Variants in ZFP41 observed in about 807,000 individuals in gnomAD.
The protein encoded by ZFP41 is ZFP41 zinc finger protein.
In ZFP41, 10 loss-of-function variants were observed where a neutral mutation model predicts 11.6. That is an observed-to-expected ratio of 0.86 (90% CI 0.53 to 1.47). The LOEUF (loss-of-function observed/expected upper bound fraction) is 1.47, where lower values mean the gene tolerates loss of function less well. ZFP41 is among the 40% of genes most tolerant of loss of function. The pLI is 0.00. For synonymous variants in ZFP41, 123 were observed against 100.9 expected, an observed-to-expected ratio of 1.22 and a Z score of -1.31; for missense variants, 302 against 264.6, an observed-to-expected ratio of 1.14 and a Z score of -0.98.
At chr8:143,256,446 C>A (rs919981943) in intron 2 of ZFP41, among the ~76,000 whole-genome samples, 4 of 152,120 alleles carry the variant, frequency 2.6e-5, no homozygotes, top group Non-Finnish European at 4.4e-5. Flanking sequence ...GGGCTCGCCC[C>A]ACATGCTGGT....
Position 143,249,903 on chromosome 8 carries a change from G to T in ZFP41, c.60G>T (p.Val20=). The change falls in exon 2 of 3, where the codon GTG becomes GTT. Residue 20 remains valine, a synonymous_variant. Coordinates refer to ENST00000330701, the MANE Select transcript of ZFP41 (RefSeq NM_173832.6). The part of the protein sequence containing the change: ...KTPTPREEAD[V]QKSALREEKV... Reference sequence around the variant, plus strand: ...CGACCCCAAGGGAGGAGGCAGACGTGCAGAAGAGTGCGCTCAGAGAGGAGA... The same window carrying T: ...CGACCCCAAGGGAGGAGGCAGACGTTCAGAAGAGTGCGCTCAGAGAGGAGA... 6.2e-7 allele frequency: 1 copy of T among 1,613,470 alleles called. No homozygotes were observed. Among genetic ancestry groups the T allele is most frequent in the East Asian group, 2.2e-5 (1 of 44,858 alleles).
At chr8:143,257,698 C>T (rs138677209) in intron 2 of ZFP41, among the ~76,000 whole-genome samples, 7 of 152,270 alleles carry the variant, frequency 4.6e-5, no homozygotes, top group South Asian at 2.1e-4. Flanking sequence ...CAGCCACATC[C>T]GATGCTGAAA....
In ZFP41 at chr8:143,254,751, G is replaced by T. The variant is rs1586714654; in HGVS notation, c.*900+3411G>T. On this transcript the variant is annotated intron_variant, in intron 2 of 2. Transcript: ENST00000330701. ...GCGGTCAAGCGATTCCCCTGCTTCAGCATCCCGAGTAGCTGGGATTTCAGG... is the reference window on the plus strand; with the variant it reads ...GCGGTCAAGCGATTCCCCTGCTTCATCATCCCGAGTAGCTGGGATTTCAGG... Among the ~76,000 whole-genome samples, 3 of 150,142 alleles carry T rather than the reference G, an allele frequency of 2.0e-5. No individual in the cohort carries two copies. In the South Asian group the frequency reaches 6.3e-4, roughly 32 times the overall value.
chr8:143,255,728 A>G (rs13282774), intron 2 of ZFP41, among the ~76,000 whole-genome samples: 55 of 82,700 alleles, frequency 6.7e-4, no homozygotes, highest in South Asian at 3.2e-3. Context: ...ATCACGGCTC[A>G]CCCCGCGTGC....
In ZFP41 at chr8:143,262,572, C is replaced by T. The variant is rs959980508; in HGVS notation, c.*3698C>T. 4 of 152,314 alleles carry T rather than the reference C, an allele frequency of 2.6e-5. No individual in the cohort carries two copies. Among genetic ancestry groups the T allele is most frequent in the South Asian group, 2.1e-4 (1 of 4,832 alleles). The allele number at this position is 152,314 out of a possible 1,614,324, so 9.4% of individuals were successfully genotyped here. On this transcript the variant is annotated 3_prime_UTR_variant, in exon 3 of 3. Transcript: ENST00000330701. ...TCAGCTGCGCTTTCTGTGACTTGCT[C>T]TGCGTGAGTCCTCGGTCCACGTGGG...
intron 2 of ZFP41, among the ~76,000 whole-genome samples, chr8:143,256,969 T>G (rs997046444): frequency 6.6e-6 from 1 of 152,220 alleles, no homozygotes; most frequent in Admixed American, 6.5e-5. Flanking sequence ...TGCTTCGGTG[T>G]CTTGTTTAAA....
intron 2 of ZFP41, among the ~76,000 whole-genome samples, chr8:143,252,284 T>TA (rs1365504173): frequency 6.6e-6 from 1 of 152,232 alleles, no homozygotes; most frequent in Non-Finnish European, 1.5e-5. Flanking sequence ...CAGATGGCTG[T>TA]AGGGCTCTCT....
At chr8:143,255,735 GTGCTGGTGT>G (rs1563728804) in intron 2 of ZFP41, among the ~76,000 whole-genome samples, 6 of 123,726 alleles carry the variant, frequency 4.8e-5, no homozygotes, top group Non-Finnish European at 1.7e-5. Flanking sequence ...CTCACCCCGC[GTGCTGGTGT>G]TAGTGAGATC....
Position 143,255,598 on chromosome 8 carries a change from G to T in ZFP41, c.*901-4177G>T, listed in dbSNP as rs184964638. Among the ~76,000 whole-genome samples the T allele has an allele frequency of 3.6e-5, 5 of 138,270 alleles. No individual in the cohort carries two copies. The East Asian group carries it at 1.2e-3, about 32-fold the overall frequency. The allele number at this position is 138,270 out of a possible 152,430, so 90.7% of individuals were successfully genotyped here. A position where few individuals can be genotyped will look rare whatever the true frequency, so the allele number is the denominator to read the frequency against. On this transcript the variant is annotated intron_variant, in intron 2 of 2. Transcript: ENST00000330701. ...TGTTCTTGAGATCAGGGCTCGCCCC[G>T]CGTCTAGTGTTAGTGAGATCAGAGC...
At chr8:143,248,292 T>TA (rs1404533232) in intron 1 of ZFP41, 1 of 152,208 alleles carries the variant, frequency 6.6e-6, no homozygotes, top group Non-Finnish European at 1.5e-5. Context: ...ATAAAAAAGA[T>TA]ACGATCCTCG....
In ZFP41 at chr8:143,248,003, AG is replaced by A. The variant is rs562988089; in HGVS notation, c.-155+864del. Among the ~76,000 whole-genome samples the A allele has an allele frequency of 1.9e-3, 294 of 152,266 alleles. 1 individual carries two copies. Among genetic ancestry groups the A allele is most frequent in the Non-Finnish European group, 2.5e-3 (173 of 68,016 alleles). On this transcript the variant is annotated intron_variant, in intron 1 of 2. Coordinates refer to ENST00000330701, the MANE Select transcript of ZFP41 (RefSeq NM_173832.6). Reference sequence around the variant, plus strand: ...CCCAGCTAATTTTTTGTGTTTTGGTAGGGACAGGGTTTCACCATGTTGGCCA... The same window carrying A: ...CCCAGCTAATTTTTTGTGTTTTGGTAGGACAGGGTTTCACCATGTTGGCCA...
In ZFP41 at chr8:143,251,009, C is replaced by G. The variant is rs1294411122; in HGVS notation, c.*569C>G. The G allele has an allele frequency of 1.8e-5, 3 of 170,938 alleles. No homozygotes were observed. Among genetic ancestry groups the G allele is most frequent in the Admixed American group, 6.0e-5 (1 of 16,558 alleles). 10.6% of individuals were successfully genotyped at this position (170,938 alleles called of 1,614,324 possible). On this transcript the variant is annotated 3_prime_UTR_variant, in exon 2 of 3. Coordinates refer to ENST00000330701, the MANE Select transcript of ZFP41 (RefSeq NM_173832.6). ...CCCGGGGCCGCTTGTCCCTGCCCGG[C>G]CTCTGTGCCCCAACTGTGCTTGGTC... is the stretch of plus-strand genomic sequence containing the variant.
Position 143,250,619 on chromosome 8 carries a change from AC to A in ZFP41, c.*181del. The stretch of plus-strand genomic sequence containing the variant: ...GTGGGAACGTGCCAGCGAGGGAGAG[AC>A]CTTTCCACTGCAGAGAGTCTCTCTG... On this transcript the variant is annotated 3_prime_UTR_variant, in exon 2 of 3. Coordinates refer to ENST00000330701, the MANE Select transcript of ZFP41 (RefSeq NM_173832.6). 3.1e-6 allele frequency: 3 copies of A among 956,850 alleles called. No individual in the cohort carries two copies. In the East Asian group the frequency reaches 8.0e-5, roughly 25 times the overall value. The allele number at this position is 956,850 out of a possible 1,614,324, so 59.3% of individuals were successfully genotyped here. A position where few individuals can be genotyped will look rare whatever the true frequency, so the allele number is the denominator to read the frequency against.
In ZFP41 at chr8:143,259,775, G is replaced by A. The variant is rs1359436698; in HGVS notation, c.*901G>A. 1 of 152,236 alleles carries A rather than the reference G, an allele frequency of 6.6e-6. No homozygotes were observed. Among genetic ancestry groups the A allele is most frequent in the Non-Finnish European group, 1.5e-5 (1 of 68,068 alleles). 9.4% of individuals were successfully genotyped at this position (152,236 alleles called of 1,614,324 possible). A position where few individuals can be genotyped will look rare whatever the true frequency, so the allele number is the denominator to read the frequency against. ...AGAAGATATTTCTCATCCTTTTCAGGCTGGTAGAGCAGATCACCCCCAAAG... is the reference window on the plus strand; with the variant it reads ...AGAAGATATTTCTCATCCTTTTCAGACTGGTAGAGCAGATCACCCCCAAAG... On this transcript the variant is annotated splice_region_variant and 3_prime_UTR_variant, in exon 3 of 3. Transcript: ENST00000330701.
At position 143,250,215 on chromosome 8, in the gene ZFP41, C is replaced by T. The variant is rs1816774791; in HGVS notation, c.372C>T (p.Phe124=). ...AGTGTGCGCAGTGCGGGAAGGCCTTCCGGCACAGCTCTGACGTCACCAAAC... is the reference window on the plus strand; with the variant it reads ...AGTGTGCGCAGTGCGGGAAGGCCTTTCGGCACAGCTCTGACGTCACCAAAC... ...PFKCAQCGKA[F]RHSSDVTKHQ... is the part of the protein sequence containing the mutation. Residue 124 remains phenylalanine (F), a synonymous_variant, in exon 2 of 3, where the codon TTC becomes TTT. Coordinates refer to ENST00000330701, the MANE Select transcript of ZFP41 (RefSeq NM_173832.6). 2 of 1,613,880 alleles carry T rather than the reference C, an allele frequency of 1.2e-6. No homozygotes were observed. The highest frequency in any genetic ancestry group is 2.2e-5 in the East Asian group (1 of 44,864).
intron 2 of ZFP41, among the ~76,000 whole-genome samples, chr8:143,255,058 C>T (rs549219019): frequency 8.3e-4 from 127 of 152,268 alleles, no homozygotes; most frequent in African/African-American, 3.0e-3. Flanking sequence ...CAGGTCATGC[C>T]CACAGAGACG....
Position 143,249,831 on chromosome 8 carries a change from A to G in ZFP41, c.-13A>G, listed in dbSNP as rs754228706. 1.9e-6 allele frequency: 3 copies of G among 1,568,294 alleles called. No homozygotes were observed. The highest frequency in any genetic ancestry group is 2.6e-6 in the Non-Finnish European group (3 of 1,162,436). ...GCAGCCCCTTAGCCCTCACGCTTCC[A>G]AGGAACAGAATGATGGAGAAGCCTG... On this transcript the variant is annotated 5_prime_UTR_variant, in exon 2 of 3. Transcript: ENST00000330701.
chr8:143,256,476 G>A (rs773915995), intron 2 of ZFP41, among the ~76,000 whole-genome samples: 33 of 152,224 alleles, frequency 2.2e-4, no homozygotes, highest in Non-Finnish European at 4.1e-4. Context: ...ATCAGATATT[G>A]GTTCACACAC....
At chr8:143,253,460 A>T (rs1309518868) in intron 2 of ZFP41, 1 of 151,066 alleles carries the variant, frequency 6.6e-6, no homozygotes, top group Non-Finnish European at 1.5e-5. Flanking sequence ...AAGGTTGGGG[A>T]CCACTGCTTT....
Sources: gnomAD v4.1 joint callset for allele counts (sites outside exome capture counted in the v4.1 genomes callset) on GRCh38, gnomAD v4.1.1 for gene constraint, MANE v1.5 for transcripts, NCBI Gene and HGNC (gene_info 2026-07-23, HGNC 2026-07-21) for gene names.